The following RARA variants were observed in gnomAD, a reference collection of about 807,000 sequenced individuals.
RARA encodes retinoic acid receptor alpha, also known as PML-DDX5-RARA fusion.
In RARA, 5 loss-of-function variants were observed where a neutral mutation model predicts 42.8. The ratio of observed to expected loss-of-function variants is 0.12; its 90% confidence interval spans 0.06 to 0.25. The LOEUF (loss-of-function observed/expected upper bound fraction) is 0.25. RARA is among the 10% of genes least tolerant of loss of function. RARA has a pLI of 1.00. For synonymous variants in RARA, 256 were observed against 259.5 expected (o/e 0.99, Z 0.13); for missense variants, 402 against 628.7 (o/e 0.64, Z 3.86).
In RARA at chr17:40,351,519, C is replaced by A; in HGVS notation, c.470-391C>A. 1 of 473,300 alleles carries A rather than the reference C, an allele frequency of 2.1e-6. No homozygotes were observed. Among genetic ancestry groups the A allele is most frequent in the Non-Finnish European group, 4.3e-6 (1 of 230,022 alleles). The allele number at this position is 473,300 out of a possible 1,614,324, so 29.3% of individuals were successfully genotyped here. On this transcript the variant is annotated intron_variant, in intron 4 of 8. Transcript: ENST00000254066. This position sits in a 1 kb window ranked among gnomAD's most constrained non-coding sequence, Gnocchi z 4.1. ...CAAGGGACCCCCAGGGAGACTGCAG[C>A]TGGGAGGGCTGGGTGAGTGGAGGCG...
intron 1 of RARA, among the ~76,000 whole-genome samples, chr17:40,316,838 G>C (rs573679409): frequency 5.5e-4 from 83 of 152,064 alleles, no homozygotes; most frequent in African/African-American, 1.9e-3. Context: ...CGGGAGGTTC[G>C]CACCGGCGGA....
At position 40,351,447 on chromosome 17, in the gene RARA, G is replaced by C; in HGVS notation, c.470-463G>C. 2.1e-6 allele frequency: 1 copy of C among 470,984 alleles called. No individual in the cohort carries two copies. The allele number at this position is 470,984 out of a possible 1,614,324, so 29.2% of individuals were successfully genotyped here. A position where few individuals can be genotyped will look rare whatever the true frequency, so the allele number is the denominator to read the frequency against. ...CGCCAGGTCCCCCACTCTCAGGCTGGGGAGCCCTACTCCCCACTTGCCCCA... is the reference window on the plus strand; with the variant it reads ...CGCCAGGTCCCCCACTCTCAGGCTGCGGAGCCCTACTCCCCACTTGCCCCA... On this transcript the variant is annotated intron_variant, in intron 4 of 8. Coordinates refer to ENST00000254066, the MANE Select transcript of RARA (RefSeq NM_000964.4). This position sits in a 1 kb window ranked among gnomAD's most constrained non-coding sequence, Gnocchi z 4.1.
At position 40,354,889 on chromosome 17, in the gene RARA, A is replaced by C. The variant is rs2034567005; in HGVS notation, c.1013-374A>C. On this transcript the variant is annotated intron_variant, in intron 7 of 8. Transcript: ENST00000254066. The surrounding 1 kb of genome is among the most constrained non-coding windows in gnomAD (Gnocchi z 4.5). Reference sequence around the variant, plus strand: ...AGATACTGTGCAGGTGCCCAGAGCGAGCTCCAGTGCTTGTTAGTTGCTATT... The same window carrying C: ...AGATACTGTGCAGGTGCCCAGAGCGCGCTCCAGTGCTTGTTAGTTGCTATT... Among the ~76,000 whole-genome samples, 1 of 152,194 alleles carries C rather than the reference A, an allele frequency of 6.6e-6. No individual in the cohort carries two copies. The highest frequency in any genetic ancestry group is 6.5e-5 in the Admixed American group (1 of 15,286).
chr17:40,328,878 T>C (rs1489298977), intron 1 of RARA, among the ~76,000 whole-genome samples: 1 of 152,248 alleles, frequency 6.6e-6, no homozygotes, highest in South Asian at 2.1e-4. Flanking sequence ...TGAATGTTCA[T>C]GTATAAGTCT....
In RARA at chr17:40,354,535, G is replaced by A. The variant is rs1421113254; in HGVS notation, c.1012+29G>A. On this transcript the variant is annotated intron_variant, in intron 7 of 8. Coordinates refer to ENST00000254066, the MANE Select transcript of RARA (RefSeq NM_000964.4). This position sits in a 1 kb window ranked among gnomAD's most constrained non-coding sequence, Gnocchi z 4.5. ...GGCAGGGGGCCTGGGTCTGGGGGCT[G>A]GGCTGGGACGGGGGTGCAGCCCTGG... The A allele has an allele frequency of 1.3e-6, 2 of 1,599,710 alleles. No individual in the cohort carries two copies. Among genetic ancestry groups the A allele is most frequent in the South Asian group, 2.2e-5 (2 of 90,708 alleles).
chr17:40,334,239 C>T (rs2033782347), intron 2 of RARA, among the ~76,000 whole-genome samples: 1 of 152,190 alleles, frequency 6.6e-6, no homozygotes, highest in South Asian at 2.1e-4. Context: ...GGGTGGGGTG[C>T]CCACATTTCA....
chr17:40,333,013 C>G (rs1365704320), intron 2 of RARA, among the ~76,000 whole-genome samples: 2 of 152,206 alleles, frequency 1.3e-5, no homozygotes, highest in African/African-American at 4.8e-5. Context: ...AACTAGAAGA[C>G]TGTCTGCTTC....
chr17:40,309,475 C>T (rs1277966223), intron 1 of RARA, among the ~76,000 whole-genome samples, 189 bp downstream of exon 1: 1 of 152,228 alleles, frequency 6.6e-6, no homozygotes, highest in Non-Finnish European at 1.5e-5. Flanking sequence ...CCTCTGCACC[C>T]TCCAGCACCC....
In RARA at chr17:40,348,499, A is replaced by G. The variant is rs762582808; in HGVS notation, c.327+35A>G. 5 of 1,602,576 alleles carry G rather than the reference A, an allele frequency of 3.1e-6. No homozygotes were observed. The South Asian group carries it at 4.5e-5, about 14-fold the overall frequency. ...AGGGGTCATTGGGAAGGACAGCTTG[A>G]TGAGGTCAATGGGATGTCCCCACTT... On this transcript the variant is annotated intron_variant, in intron 3 of 8. Coordinates refer to ENST00000254066, the MANE Select transcript of RARA (RefSeq NM_000964.4).
At chr17:40,334,812 A>C (rs1212322603) in intron 2 of RARA, among the ~76,000 whole-genome samples, 1 of 152,170 alleles carries the variant, frequency 6.6e-6, no homozygotes, top group Non-Finnish European at 1.5e-5. Context: ...GGGAGGAGGC[A>C]GCACATTAGG....
rs1054566833 is a variant in RARA, at chr17:40,357,110, C to G, written c.*884C>G. On this transcript the variant is annotated 3_prime_UTR_variant, in exon 9 of 9. Coordinates refer to ENST00000254066, the MANE Select transcript of RARA (RefSeq NM_000964.4). ...ACAGGCTCCTGGCCTTGGCACTTGCCTGCACCCACCATGAGGCATGGAGCA... is the reference window on the plus strand; with the variant it reads ...ACAGGCTCCTGGCCTTGGCACTTGCGTGCACCCACCATGAGGCATGGAGCA... 1.3e-5 allele frequency: 4 copies of G among 300,964 alleles called. No individual in the cohort carries two copies. The highest frequency in any genetic ancestry group is 8.7e-5 in the African/African-American group (4 of 45,850). 18.6% of individuals were successfully genotyped at this position (300,964 alleles called of 1,614,324 possible).
chr17:40,337,247 G>C (rs2033880671), intron 2 of RARA, among the ~76,000 whole-genome samples: 1 of 152,214 alleles, frequency 6.6e-6, no homozygotes, highest in Admixed American at 6.5e-5. Context: ...TTTGAGAGTG[G>C]ATTGTGGGGC....
chr17:40,348,150 C>T lies in RARA; in HGVS notation c.179-166C>T, dbSNP rs1375755120. 1.3e-5 allele frequency: 11 copies of T among 825,878 alleles called. No homozygotes were observed. In the South Asian group the frequency reaches 1.7e-4, roughly 13 times the overall value. 51.2% of individuals were successfully genotyped at this position (825,878 alleles called of 1,614,324 possible). On this transcript the variant is annotated intron_variant, in intron 2 of 8. Transcript: ENST00000254066. ...TGCTGGAGGCTTCATTGGCAGCCTCCTGCCCTGAGTCTGGCTGGGGAGTCC... is the reference window on the plus strand; with the variant it reads ...TGCTGGAGGCTTCATTGGCAGCCTCTTGCCCTGAGTCTGGCTGGGGAGTCC...
chr17:40,342,673 C>A (rs917081443), intron 2 of RARA: 1 of 1,594,400 alleles, frequency 6.3e-7, no homozygotes, highest in Non-Finnish European at 8.6e-7. Context: ...GCAGGACTTC[C>A]CAGCTCGGAC....
At chr17:40,332,381 G>A (rs1263320073) in intron 2 of RARA, among the ~76,000 whole-genome samples, 2 of 152,184 alleles carry the variant, frequency 1.3e-5, no homozygotes, top group Non-Finnish European at 2.9e-5. Flanking sequence ...CTGGCCAGCA[G>A]GGACTGCACA....
Position 40,351,238 on chromosome 17 carries a change from G to GA in RARA, c.470-672_470-671insA. On this transcript the variant is annotated intron_variant, in intron 4 of 8. Coordinates refer to ENST00000254066, the MANE Select transcript of RARA (RefSeq NM_000964.4). This position sits in a 1 kb window ranked among gnomAD's most constrained non-coding sequence, Gnocchi z 4.1. ...CCCCACCTCGCTACCCCCTCCCTGA[G>GA]CCCCTCCCCCACCCTCCCTTCCTCC... 5.9e-6 allele frequency: 1 copy of GA among 170,032 alleles called. No homozygotes were observed. Among genetic ancestry groups the GA allele is most frequent in the Non-Finnish European group, 1.2e-5 (1 of 81,066 alleles). 10.5% of individuals were successfully genotyped at this position (170,032 alleles called of 1,614,324 possible).
intron 2 of RARA, chr17:40,341,139 TC>T (rs909869224): frequency 2.3e-6 from 1 of 426,738 alleles, no homozygotes; most frequent in Non-Finnish European, 4.0e-6. Context: ...AGGCCTTTCT[TC>T]CAGTGAAACG....
intron 1 of RARA, among the ~76,000 whole-genome samples, chr17:40,312,359 G>A (rs1489448678): frequency 1.3e-5 from 2 of 152,258 alleles, no homozygotes; most frequent in Non-Finnish European, 2.9e-5. Flanking sequence ...CCAAGTTGGC[G>A]CTAGCCCCAG....
In RARA at chr17:40,347,863, G is replaced by A. The variant is rs148115882; in HGVS notation, c.179-453G>A. The stretch of plus-strand genomic sequence containing the variant: ...AAGCAGAGGGGGCGGGGGAGTGGCC[G>A]GCTTTGAATATCCTGTTGACCCCAG... On this transcript the variant is annotated intron_variant, in intron 2 of 8. Coordinates refer to ENST00000254066, the MANE Select transcript of RARA (RefSeq NM_000964.4). Among the ~76,000 whole-genome samples the A allele has an allele frequency of 7.7e-3, 1,166 of 152,040 alleles. 13 individuals carry two copies. Among genetic ancestry groups the A allele is most frequent in the African/African-American group, 0.027 (1,123 of 41,416 alleles).
Sources: gnomAD v4.1 joint callset for allele counts (sites outside exome capture counted in the v4.1 genomes callset) on GRCh38, gnomAD v4.1.1 for gene constraint, Gnocchi (gnomAD v3.1) non-coding constraint, MANE v1.5 for transcripts, NCBI Gene and HGNC (gene_info 2026-07-23, HGNC 2026-07-21) for gene names.